RTL4: variants seen among roughly 807,000 people sequenced by gnomAD.
The protein encoded by RTL4 is retrotransposon Gag-like protein 4.
RTL4 carries 4 observed loss-of-function variants against 5.3 expected under a neutral mutation model. The observed-to-expected ratio is 0.75, with a 90% CI of 0.37 to 1.72. The LOEUF (loss-of-function observed/expected upper bound fraction) is 1.72, where lower values mean the gene tolerates loss of function less well. RTL4 is among the 40% of genes most tolerant of loss of function. The pLI is 0.04. For synonymous variants in RTL4, 98 were observed against 87.3 expected (o/e 1.12, Z -0.68); for missense variants, 260 against 227.1 (o/e 1.14, Z -0.93).
chrX:112,273,143 T>G, the RTL4 span, among the ~76,000 whole-genome samples: 1 of 112,179 alleles, frequency 8.9e-6, no homozygotes, highest in Admixed American at 9.4e-5. Context: ...GATTAAACTC[T>G]GACTCTGTCA....
At chrX:112,154,991 C>T in the RTL4 span, among the ~76,000 whole-genome samples, 1 of 110,878 alleles carries the variant, frequency 9.0e-6, no homozygotes, top group African/African-American at 3.3e-5. Flanking sequence ...TGTTTTTCTG[C>T]CATATGAGGA....
chrX:112,185,734 G>A, the RTL4 span, among the ~76,000 whole-genome samples: 2 of 108,642 alleles, frequency 1.8e-5, no homozygotes, highest in Admixed American at 1.0e-4. Context: ...TTTGACATTG[G>A]GCAAGTTGCT....
the RTL4 span, among the ~76,000 whole-genome samples, chrX:112,178,068 G>A: frequency 2.7e-5 from 3 of 110,557 alleles, no homozygotes; most frequent in African/African-American, 9.9e-5. Context: ...TTAACATAGT[G>A]ACTCTAACAT....
the RTL4 span, among the ~76,000 whole-genome samples, chrX:112,412,351 CA>C: frequency 9.0e-6 from 1 of 111,353 alleles, no homozygotes; most frequent in Admixed American, 9.6e-5. Flanking sequence ...ATGGAAATAA[CA>C]ATTGTCAAAT....
At chrX:112,332,420 C>G in the RTL4 span, among the ~76,000 whole-genome samples, 1 of 110,296 alleles carries the variant, frequency 9.1e-6, no homozygotes, top group Non-Finnish European at 1.9e-5. Context: ...TAGCAAAGAC[C>G]TGGAACCAAC....
chrX:112,398,372 T>G, the RTL4 span, among the ~76,000 whole-genome samples: 1 of 108,621 alleles, frequency 9.2e-6, no homozygotes, highest in Non-Finnish European at 1.9e-5. Flanking sequence ...TTTTGTATAT[T>G]GTTGGATCAG....
At chrX:112,333,745 A>G in the RTL4 span, among the ~76,000 whole-genome samples, 1 of 111,536 alleles carries the variant, frequency 9.0e-6, no homozygotes, top group African/African-American at 3.3e-5. Flanking sequence ...TAATAATCAC[A>G]TCATGGGGAA....
the RTL4 span, among the ~76,000 whole-genome samples, chrX:112,216,006 C>T: frequency 5.4e-5 from 6 of 111,257 alleles, no homozygotes; most frequent in Admixed American, 3.9e-4. Context: ...GGGGGTTGCA[C>T]GTTGTATCTG....
the RTL4 span, among the ~76,000 whole-genome samples, chrX:112,447,077 A>T: frequency 8.9e-6 from 1 of 111,879 alleles, no homozygotes; most frequent in African/African-American, 3.3e-5. Flanking sequence ...AATAGGGACA[A>T]CAGGACTGCA....
At chrX:112,447,954 A>T in the RTL4 span, among the ~76,000 whole-genome samples, 1 of 111,623 alleles carries the variant, frequency 9.0e-6, no homozygotes, top group South Asian at 3.8e-4. Context: ...TAGTCAAAAA[A>T]CATGATGTAT....
chrX:112,349,385 G>A, the RTL4 span, among the ~76,000 whole-genome samples: 3 of 111,178 alleles, frequency 2.7e-5, no homozygotes, highest in Admixed American at 9.6e-5. Context: ...AGAGAAACTG[G>A]TTGTCTAATC....
the RTL4 span, among the ~76,000 whole-genome samples, chrX:112,386,102 T>A: frequency 9.7e-6 from 1 of 102,986 alleles, no homozygotes; most frequent in Non-Finnish European, 1.9e-5. Flanking sequence ...TACAATAGTT[T>A]TATTTTATGT....
chrX:112,426,405 C>T, the RTL4 span, among the ~76,000 whole-genome samples: 879 of 111,715 alleles, frequency 7.9e-3, 11 homozygotes, highest in African/African-American at 0.026. Flanking sequence ...ATGATAGCCA[C>T]TAAACAGCTT....
chrX:112,226,848 A>G, the RTL4 span, among the ~76,000 whole-genome samples: 380 of 109,042 alleles, frequency 3.5e-3, no homozygotes, highest in African/African-American at 0.012. Context: ...AGGCAGGAGA[A>G]TCACTTGAGC....
the RTL4 span, among the ~76,000 whole-genome samples, chrX:112,177,570 A>T: frequency 9.6e-6 from 1 of 103,739 alleles, no homozygotes; most frequent in African/African-American, 3.6e-5. Flanking sequence ...TTTTGTATGT[A>T]CTCTGGTTAT....
chrX:112,187,375 G>A, the RTL4 span, among the ~76,000 whole-genome samples: 143 of 111,693 alleles, frequency 1.3e-3, no homozygotes, highest in African/African-American at 4.4e-3. Context: ...CTAGGTGACA[G>A]ACAACATTCA....
At chrX:112,098,907 G>A in the RTL4 span, among the ~76,000 whole-genome samples, 1 of 112,164 alleles carries the variant, frequency 8.9e-6, no homozygotes, top group South Asian at 3.6e-4. Flanking sequence ...AGACTTACAT[G>A]TTAGACCTAA....
At chrX:112,204,250 C>T in the RTL4 span, among the ~76,000 whole-genome samples, 5 of 111,832 alleles carry the variant, frequency 4.5e-5, no homozygotes, top group Non-Finnish European at 7.5e-5. Context: ...CTATGGAGAT[C>T]GGTTTGAAGG....
At chrX:112,329,564 G>A in the RTL4 span, among the ~76,000 whole-genome samples, 7 of 110,060 alleles carry the variant, frequency 6.4e-5, no homozygotes, top group African/African-American at 1.7e-4. Context: ...ATTCACAGCC[G>A]AATTCTACCA....
Sources: gnomAD v4.1 joint callset for allele counts (sites outside exome capture counted in the v4.1 genomes callset) on GRCh38, gnomAD v4.1.1 for gene constraint, MANE v1.5 for transcripts, NCBI Gene and HGNC (gene_info 2026-07-23, HGNC 2026-07-21) for gene names.